LEPROTL1: variants seen among roughly 807,000 people sequenced by gnomAD.
The protein encoded by LEPROTL1 is leptin receptor overlapping transcript like 1.
In LEPROTL1, 6 loss-of-function variants were observed where a neutral mutation model predicts 15.4. The observed-to-expected ratio is 0.39, with a 90% CI of 0.21 to 0.77. LEPROTL1 has a LOEUF of 0.77. Ranked by LOEUF, LEPROTL1 falls within the 30% of genes least tolerant of loss-of-function variation. The pLI is 0.41. For synonymous variants in LEPROTL1, 56 were observed against 52.6 expected, an observed-to-expected ratio of 1.06 and a Z score of -0.28; for missense variants, 128 against 158.1, an observed-to-expected ratio of 0.81 and a Z score of 1.02.
At chr8:30,102,812 C>A (rs1802492080) in intron 2 of LEPROTL1, among the ~76,000 whole-genome samples, 1 of 152,058 alleles carries the variant, frequency 6.6e-6, no homozygotes, top group South Asian at 2.1e-4. Flanking sequence ...ATATCCCCAG[C>A]CTCACTCAAA....
downstream of LEPROTL1, among the ~76,000 whole-genome samples, chr8:30,111,773 T>C (rs974537594): frequency 2.0e-5 from 3 of 152,204 alleles, no homozygotes; most frequent in African/African-American, 7.2e-5. Context: ...GGTGGTTTTC[T>C]GTTGCTCTGG....
At position 30,107,371 on chromosome 8, in the gene LEPROTL1, A is replaced by T. The variant is rs980368283; in HGVS notation, c.*1509A>T. 1 of 985,576 alleles carries T rather than the reference A, an allele frequency of 1.0e-6. No individual in the cohort carries two copies. Among genetic ancestry groups the T allele is most frequent in the African/African-American group, 1.7e-5 (1 of 57,240 alleles). The allele number at this position is 985,576 out of a possible 1,614,324, so 61.1% of individuals were successfully genotyped here. A position where few individuals can be genotyped will look rare whatever the true frequency, so the allele number is the denominator to read the frequency against. On this transcript the variant is annotated 3_prime_UTR_variant, in exon 4 of 4. Coordinates refer to ENST00000321250, the MANE Select transcript of LEPROTL1 (RefSeq NM_015344.3). Reference sequence around the variant, plus strand: ...TTGGTCTGACAGTATTTTGTTAAGGATATTTGTTTGTATGTTTATTCAGTA... The same window carrying T: ...TTGGTCTGACAGTATTTTGTTAAGGTTATTTGTTTGTATGTTTATTCAGTA...
intron 3 of LEPROTL1, among the ~76,000 whole-genome samples, chr8:30,116,198 C>T (rs997808203): frequency 3.3e-5 from 5 of 152,074 alleles, no homozygotes; most frequent in Non-Finnish European, 7.4e-5. Context: ...TGTGATCATG[C>T]CACTGTGTTC....
At position 30,122,327 on chromosome 8, in the gene LEPROTL1, G is replaced by A. The variant is rs567160646; in HGVS notation, c.280-10048G>A. ...TTCAAAAATCACTCAAAATTTTTAT[G>A]TAGAGTCAGGGTGTCACTATGTTGA... On this transcript the variant is annotated intron_variant, in intron 3 of 4. Coordinates refer to the LEPROTL1 transcript ENST00000442880. Among the ~76,000 whole-genome samples the A allele has an allele frequency of 6.6e-5, 10 of 152,246 alleles. No homozygotes were observed. The South Asian group carries it at 1.9e-3, about 28-fold the overall frequency.
Position 30,106,097 on chromosome 8 carries a change from C to CT in LEPROTL1, c.*240dup. The stretch of plus-strand genomic sequence containing the variant: ...TGATTTCACACTTATCTATAGTATG[C>CT]TTTTTGTGGTGTCCTGCTGAATTTA... On this transcript the variant is annotated 3_prime_UTR_variant, in exon 4 of 4. Transcript: ENST00000321250. The CT allele has an allele frequency of 9.5e-7, 1 of 1,048,948 alleles. No homozygotes were observed. Among genetic ancestry groups the CT allele is most frequent in the Admixed American group, 5.4e-5 (1 of 18,618 alleles). The allele number at this position is 1,048,948 out of a possible 1,614,324, so 65.0% of individuals were successfully genotyped here. A position where few individuals can be genotyped will look rare whatever the true frequency, so the allele number is the denominator to read the frequency against.
At chr8:30,127,203 A>G (rs1423269500) in intron 3 of LEPROTL1, among the ~76,000 whole-genome samples, 2 of 152,216 alleles carry the variant, frequency 1.3e-5, no homozygotes, top group Non-Finnish European at 2.9e-5. Context: ...ACATTTTCTT[A>G]TTAACCTTTG....
chr8:30,132,189 C>T (rs1424140543), intron 3 of LEPROTL1: 1 of 1,551,872 alleles, frequency 6.4e-7, no homozygotes, highest in South Asian at 1.2e-5. Context: ...CAGCTTCCAC[C>T]ATCACGGCCC....
At position 30,106,204 on chromosome 8, in the gene LEPROTL1, T is replaced by G; in HGVS notation, c.*342T>G. 1.0e-6 allele frequency: 1 copy of G among 986,904 alleles called. No individual in the cohort carries two copies. Among genetic ancestry groups the G allele is most frequent in the Non-Finnish European group, 1.2e-6 (1 of 830,584 alleles). 61.1% of individuals were successfully genotyped at this position (986,904 alleles called of 1,614,324 possible). ...TAAACACTTTTTTAATGTAATCATT[T>G]GCATTGGTTAGGAATTCAGAATTCC... On this transcript the variant is annotated 3_prime_UTR_variant, in exon 4 of 4. Coordinates refer to ENST00000321250, the MANE Select transcript of LEPROTL1 (RefSeq NM_015344.3).
intron 1 of LEPROTL1, among the ~76,000 whole-genome samples, chr8:30,099,905 T>C (rs543493004): frequency 6.6e-6 from 1 of 152,240 alleles, no homozygotes; most frequent in South Asian, 2.1e-4. Context: ...AGGGACACTG[T>C]AGTAGCCTGG....
chr8:30,119,713 T>C (rs1043621750), intron 3 of LEPROTL1, among the ~76,000 whole-genome samples: 2 of 152,228 alleles, frequency 1.3e-5, no homozygotes, highest in Non-Finnish European at 2.9e-5. Context: ...ATAACATCTA[T>C]ATACGAAAAT....
At chr8:30,112,009 CAG>C, downstream of LEPROTL1, among the ~76,000 whole-genome samples, 1 of 152,262 alleles carries the variant, frequency 6.6e-6, no homozygotes, top group East Asian at 1.9e-4. Flanking sequence ...GTGTGGAAGA[CAG>C]AGTGGAGTCA....
At chr8:30,096,029 C>A (rs1380435380) in intron 1 of LEPROTL1, 8 of 603,168 alleles carry the variant, frequency 1.3e-5, no homozygotes, top group Non-Finnish European at 2.4e-5. Flanking sequence ...CACGTCCACC[C>A]CGGCCGCCCG....
chr8:30,103,741 CA>C (rs200908304), intron 2 of LEPROTL1, among the ~76,000 whole-genome samples: 5,532 of 88,980 alleles, frequency 0.062, 114 homozygotes, highest in Middle Eastern at 0.2. Flanking sequence ...GACTCTGTCT[CA>C]AAAAAAAAAA....
chr8:30,122,075 G>A (rs1802836864), intron 3 of LEPROTL1, among the ~76,000 whole-genome samples: 1 of 151,834 alleles, frequency 6.6e-6, no homozygotes, highest in Non-Finnish European at 1.5e-5. Context: ...GCTGAGGCAG[G>A]AGAATCGCTT....
intron 3 of LEPROTL1, among the ~76,000 whole-genome samples, chr8:30,128,896 CT>C (rs35339784): frequency 0.75 from 108,989 of 145,610 alleles, 42,691 homozygotes; most frequent in Non-Finnish European, 0.86. Flanking sequence ...CTCTGTTTTT[CT>C]TTTTTTTTTT....
At position 30,105,922 on chromosome 8, in the gene LEPROTL1, C is replaced by T; in HGVS notation, c.*60C>T. 1 of 1,422,768 alleles carries T rather than the reference C, an allele frequency of 7.0e-7. No homozygotes were observed. Among genetic ancestry groups the T allele is most frequent in the Non-Finnish European group, 9.3e-7 (1 of 1,079,064 alleles). 88.1% of individuals were successfully genotyped at this position (1,422,768 alleles called of 1,614,324 possible). ...CTGTCATTTGTTGGCCATTCACGCA[C>T]ACAGGAGATGGGGCAGTTAATGCTG... On this transcript the variant is annotated 3_prime_UTR_variant, in exon 4 of 4. Coordinates refer to ENST00000321250, the MANE Select transcript of LEPROTL1 (RefSeq NM_015344.3).
At chr8:30,114,753 A>G (rs761756589) in intron 3 of LEPROTL1, among the ~76,000 whole-genome samples, 27 of 152,198 alleles carry the variant, frequency 1.8e-4, no homozygotes, top group African/African-American at 5.3e-4. Flanking sequence ...TTCTCACTCA[A>G]TGTATCACAG....
chr8:30,101,365 G>C (rs1802463527), intron 1 of LEPROTL1, among the ~76,000 whole-genome samples: 1 of 152,116 alleles, frequency 6.6e-6, no homozygotes, highest in South Asian at 2.1e-4. Context: ...GTAGGTTAGA[G>C]CTTTAAAAAT....
intron 1 of LEPROTL1, 88 bp downstream of exon 1, chr8:30,095,616 C>A (rs1802347577): frequency 2.7e-6 from 3 of 1,114,236 alleles, no homozygotes; most frequent in Admixed American, 4.3e-5. Flanking sequence ...ACTTCCCCTC[C>A]GGGCTCGCGC....
Sources: gnomAD v4.1 joint callset for allele counts (sites outside exome capture counted in the v4.1 genomes callset) on GRCh38, gnomAD v4.1.1 for gene constraint, MANE v1.5 for transcripts, NCBI Gene and HGNC (gene_info 2026-07-23, HGNC 2026-07-21) for gene names.